Variants in TAOK1 observed in about 807,000 individuals in gnomAD.
TAOK1 encodes the protein serine/threonine-protein kinase TAO1.
A neutral mutation model predicts 138.3 loss-of-function variants in TAOK1; 21 were observed. The ratio of observed to expected loss-of-function variants is 0.15; its 90% confidence interval spans 0.11 to 0.22. The LOEUF is 0.22. Ranked by LOEUF, TAOK1 falls within the 10% of genes least tolerant of loss-of-function variation. The pLI is 1.00. For missense variants in TAOK1, 651 were observed against 1,227.7 expected, an observed-to-expected ratio of 0.53 and a Z score of 7.02; for synonymous variants, 361 against 398.4, an observed-to-expected ratio of 0.91 and a Z score of 1.12.
At chr17:29,412,676 C>A (rs936767599) in intron 1 of TAOK1, among the ~76,000 whole-genome samples, 2 of 152,166 alleles carry the variant, frequency 1.3e-5, no homozygotes, top group Non-Finnish European at 2.9e-5. Context: ...TGAATAGAAT[C>A]TAATTGAATT....
intron 1 of TAOK1, chr17:29,424,679 TTG>T (rs1326756057): frequency 6.6e-6 from 1 of 152,186 alleles, no homozygotes; most frequent in Non-Finnish European, 1.5e-5. Flanking sequence ...GTTTTCTTTG[TTG>T]ACTGCTGACC....
At position 29,547,704 on chromosome 17, in the gene TAOK1, T is replaced by C. The variant is rs1219619378; in HGVS notation, c.*4682T>C. ...CTGTTTACCAAAATACAGACCATTA[T>C]TGAAGAAAAACAAATTATCTATTTT... On this transcript the variant is annotated 3_prime_UTR_variant, in exon 20 of 20. Coordinates refer to ENST00000261716, the MANE Select transcript of TAOK1 (RefSeq NM_020791.4). The C allele has an allele frequency of 6.6e-6, 1 of 152,166 alleles. No homozygotes were observed. Among genetic ancestry groups the C allele is most frequent in the Non-Finnish European group, 1.5e-5 (1 of 67,992 alleles). The allele number at this position is 152,166 out of a possible 1,614,324, so 9.4% of individuals were successfully genotyped here. A position where few individuals can be genotyped will look rare whatever the true frequency, so the allele number is the denominator to read the frequency against.
At chr17:29,527,171 CCAGCTACT>C (rs1364908243) in intron 17 of TAOK1, among the ~76,000 whole-genome samples, 6 of 151,814 alleles carry the variant, frequency 4.0e-5, no homozygotes, top group Non-Finnish European at 8.8e-5. Flanking sequence ...TGTGGTGGTC[CCAGCTACT>C]CAGGTGGCTG....
chr17:29,530,427 A>G lies in TAOK1; in HGVS notation c.2169A>G (p.Lys723=), dbSNP rs2032082222. The change falls in exon 18 of 20, where the codon AAA becomes AAG. Residue 723 remains lysine (K), a synonymous_variant. Coordinates refer to ENST00000261716, the MANE Select transcript of TAOK1 (RefSeq NM_020791.4). ...KSLKSKELQI[K]KQFQDTCKIQ... ...CCCAGTCTAAAGAACTCCAAATAAA[A>G]AAGCAGTTTCAGGATACCTGCAAAA... 3 of 1,614,152 alleles carry G rather than the reference A, an allele frequency of 1.9e-6. No individual in the cohort carries two copies. Among genetic ancestry groups the G allele is most frequent in the Admixed American group, 1.7e-5 (1 of 60,004 alleles).
chr17:29,471,282 T>C (rs779014771), intron 3 of TAOK1, among the ~76,000 whole-genome samples: 16,616 of 125,810 alleles, frequency 0.13, 622 homozygotes, highest in South Asian at 0.26. Context: ...CTTTCTTTTT[T>C]TTTTTTTTTT....
At chr17:29,517,751 T>TA (rs2031843658) in intron 16 of TAOK1, 95 bp downstream of exon 16, 1 of 1,127,976 alleles carries the variant, frequency 8.9e-7, no homozygotes, top group Non-Finnish European at 1.2e-6. Context: ...ACTTTGCACT[T>TA]ATACTTGCCT....
chr17:29,516,185 T>C (rs951701577), intron 15 of TAOK1, among the ~76,000 whole-genome samples: 4 of 152,044 alleles, frequency 2.6e-5, no homozygotes, highest in Non-Finnish European at 5.9e-5. Context: ...GGTCTTGCGC[T>C]CCCAACCTCA....
intron 1 of TAOK1, among the ~76,000 whole-genome samples, chr17:29,433,571 G>C (rs1048909422): frequency 6.6e-6 from 1 of 152,236 alleles, no homozygotes; most frequent in South Asian, 2.1e-4. Flanking sequence ...CAGTTTAAAG[G>C]GTGAGTAAAG....
chr17:29,479,423 T>C (rs1468295234), intron 6 of TAOK1, among the ~76,000 whole-genome samples: 1 of 151,774 alleles, frequency 6.6e-6, no homozygotes, highest in Non-Finnish European at 1.5e-5. Flanking sequence ...ACCCACAAGC[T>C]AGTAAATAAG....
chr17:29,479,918 GTATT>G (rs1304060942), intron 6 of TAOK1, among the ~76,000 whole-genome samples: 1 of 151,990 alleles, frequency 6.6e-6, no homozygotes, highest in East Asian at 1.9e-4. Flanking sequence ...ACATCTTTAT[GTATT>G]TATTTATTTT....
rs1329303636 is a variant in TAOK1, at chr17:29,550,234, A to G, written c.*7212A>G. Reference sequence around the variant, plus strand: ...CAAATTTGTTTTGTTTTGTTTTGTTATTTTTTAGGGAACTCTTTTGCAAAA... The same window carrying G: ...CAAATTTGTTTTGTTTTGTTTTGTTGTTTTTTAGGGAACTCTTTTGCAAAA... On this transcript the variant is annotated 3_prime_UTR_variant, in exon 20 of 20. Transcript: ENST00000261716. 6.6e-6 allele frequency: 1 copy of G among 151,990 alleles called. No homozygotes were observed. Among genetic ancestry groups the G allele is most frequent in the Non-Finnish European group, 1.5e-5 (1 of 67,956 alleles). 9.4% of individuals were successfully genotyped at this position (151,990 alleles called of 1,614,324 possible).
At chr17:29,493,463 C>T (rs2031347465) in intron 10 of TAOK1, among the ~76,000 whole-genome samples, 1 of 150,524 alleles carries the variant, frequency 6.6e-6, no homozygotes, top group Non-Finnish European at 1.5e-5. Flanking sequence ...CATTGCACTC[C>T]AGCCTGGGCA....
At chr17:29,425,369 G>A (rs563535105) in intron 1 of TAOK1, among the ~76,000 whole-genome samples, 14 of 152,114 alleles carry the variant, frequency 9.2e-5, no homozygotes, top group African/African-American at 3.1e-4. Context: ...CACTGTGTCC[G>A]GCCCATTTTT....
chr17:29,418,960 G>GTTT (rs1905344446), intron 1 of TAOK1, among the ~76,000 whole-genome samples: 1 of 134,384 alleles, frequency 7.4e-6, no homozygotes, highest in African/African-American at 2.8e-5. Flanking sequence ...GTATGTTTTA[G>GTTT]AATCAGTTTG....
At chr17:29,509,681 C>T (rs1194914175) in intron 14 of TAOK1, among the ~76,000 whole-genome samples, 1 of 151,662 alleles carries the variant, frequency 6.6e-6, no homozygotes, top group African/African-American at 2.4e-5. Context: ...ATTACTTGAG[C>T]CCAGGAGTTC....
intron 14 of TAOK1, among the ~76,000 whole-genome samples, chr17:29,508,956 A>C (rs1221845483): frequency 6.6e-6 from 1 of 152,126 alleles, no homozygotes; most frequent in Non-Finnish European, 1.5e-5. Context: ...ATATCATTAA[A>C]ATATGTCCAG....
At chr17:29,498,633 C>T in intron 12 of TAOK1, 112 bp downstream of exon 12, 1 of 1,242,484 alleles carries the variant, frequency 8.0e-7, no homozygotes, top group African/African-American at 1.5e-5. Flanking sequence ...AAGTTTGGAA[C>T]ATGGCTGGGC....
At chr17:29,526,819 T>TTAAAAAAAAAAAAAAAAAA (rs770263137) in intron 17 of TAOK1, among the ~76,000 whole-genome samples, 1 of 50,952 alleles carries the variant, frequency 2.0e-5, no homozygotes. Context: ...TCTCATCTCT[T>TTAAAAAAAAAAAAAAAAAA]AAAAAAAAAA....
intron 7 of TAOK1, among the ~76,000 whole-genome samples, chr17:29,481,726 A>G (rs190283192): frequency 0.016 from 2,398 of 152,036 alleles, 27 homozygotes; most frequent in Non-Finnish European, 0.028. Context: ...TTGGGAGGCC[A>G]AGGCGGGCGG....
Sources: allele counts gnomAD v4.1 joint callset (sites outside exome capture counted in the v4.1 genomes callset), GRCh38; gene constraint gnomAD v4.1.1; transcripts MANE v1.5; gene names NCBI Gene and HGNC (gene_info 2026-07-23, HGNC 2026-07-21).